ACTN2: variants seen among roughly 807,000 people sequenced by gnomAD.
ACTN2 encodes the protein actinin alpha 2, also known as alpha-actinin-2.
ACTN2 carries 39 observed loss-of-function variants against 113.8 expected under a neutral mutation model. The observed-to-expected ratio is 0.34, with a 90% CI of 0.27 to 0.45. The LOEUF (loss-of-function observed/expected upper bound fraction) is 0.45, where lower values mean the gene tolerates loss of function less well. ACTN2 is among the 20% of genes least tolerant of loss of function. ACTN2 has a pLI of 1.00. For synonymous variants in ACTN2, 429 were observed against 444.1 expected, an observed-to-expected ratio of 0.97 and a Z score of 0.43; for missense variants, 992 against 1,177.9, an observed-to-expected ratio of 0.84 and a Z score of 2.31.
chr1:236,759,736 C>T lies in ACTN2; in HGVS notation c.2314C>T (p.Leu772=), dbSNP rs1271493806. ...FNHFDRRKNG[L]MDHEDFRACL... is the part of the protein sequence containing the mutation. ...TTTTTGCCAACAGAGGAAGAATGGC[C>T]TGATGGATCATGAGGATTTCAGAGC... The change falls in exon 19 of 21, where the codon CTG becomes TTG. Residue 772 remains leucine, a synonymous_variant. Transcript: ENST00000366578. 2.5e-6 allele frequency: 4 copies of T among 1,613,882 alleles called. No homozygotes were observed. Among genetic ancestry groups the T allele is most frequent in the Admixed American group, 1.7e-5 (1 of 59,994 alleles).
At chr1:236,721,194 T>C (rs1444467205) in intron 4 of ACTN2, among the ~76,000 whole-genome samples, 1 of 151,290 alleles carries the variant, frequency 6.6e-6, no homozygotes, top group Non-Finnish European at 1.5e-5. Flanking sequence ...TGCTGGCTAA[T>C]TTTTCATATT....
At position 236,691,383 on chromosome 1, in the gene ACTN2, C is replaced by G. The variant is rs1390391453; in HGVS notation, c.126+4584C>G. ...GTTAGCCGGGTGCAGTGGCTCATGC[C>G]TGTAATCCCAGCACTTTGAGAGGCC... On this transcript the variant is annotated intron_variant, in intron 1 of 20. Transcript: ENST00000366578. 2.0e-5 allele frequency among the ~76,000 whole-genome samples: 3 copies of G among 152,018 alleles called. No homozygotes were observed. The East Asian group carries it at 5.8e-4, about 30-fold the overall frequency.
At chr1:236,749,673 C>T (rs1158014494) in intron 14 of ACTN2, among the ~76,000 whole-genome samples, 3 of 152,020 alleles carry the variant, frequency 2.0e-5, no homozygotes, top group African/African-American at 2.4e-5. Context: ...TGGTGGTGCA[C>T]GCCTGGAGTC....
chr1:236,724,838 CTTTTT>C (rs5781922), intron 4 of ACTN2, among the ~76,000 whole-genome samples: 1 of 81,664 alleles, frequency 1.2e-5, no homozygotes, highest in Non-Finnish European at 2.7e-5. Flanking sequence ...TGGGTTTTTC[CTTTTT>C]TTTTTTTTTT....
intron 1 of ACTN2, among the ~76,000 whole-genome samples, chr1:236,693,132 T>A (rs1426372485): frequency 6.6e-6 from 1 of 151,682 alleles, no homozygotes; most frequent in Non-Finnish European, 1.5e-5. Flanking sequence ...TTGGCCTTTC[T>A]GAAGAAGACT....
intron 1 of ACTN2, among the ~76,000 whole-genome samples, chr1:236,699,635 C>T (rs931514490): frequency 3.9e-5 from 6 of 152,102 alleles, no homozygotes; most frequent in Non-Finnish European, 2.9e-5. Flanking sequence ...CTACGGGTGC[C>T]GTGTCTTTAT....
chr1:236,689,858 A>G (rs529790349), intron 1 of ACTN2, among the ~76,000 whole-genome samples: 1 of 152,336 alleles, frequency 6.6e-6, no homozygotes, highest in African/African-American at 2.4e-5. Context: ...CCTCAACTGA[A>G]GCCTAATTGG....
intron 1 of ACTN2, among the ~76,000 whole-genome samples, chr1:236,697,990 T>C (rs1258669254): frequency 6.7e-6 from 1 of 149,642 alleles, no homozygotes; most frequent in Non-Finnish European, 1.5e-5. Context: ...ATCAGGCTGG[T>C]CTTGAGCTCC....
chr1:236,698,742 A>G (rs1657591722), intron 1 of ACTN2, among the ~76,000 whole-genome samples: 1 of 152,244 alleles, frequency 6.6e-6, no homozygotes. Flanking sequence ...CAGTGAATTG[A>G]AAAATGAGAG....
At position 236,737,201 on chromosome 1, in the gene ACTN2, G is replaced by A; in HGVS notation, c.863G>A (p.Arg288Lys). ...GAGAGGCTGATGGAAGAATATGAGAGGCTAGCGAGTGAGGTAAAGGAAACT... is the reference window on the plus strand; with the variant it reads ...GAGAGGCTGATGGAAGAATATGAGAAGCTAGCGAGTGAGGTAAAGGAAACT... ...ENERLMEEYE[R>K]LASELLEWIR... Residue 288 changes from arginine to lysine, a missense_variant, in exon 9 of 21, where the codon AGG becomes AAG. This residue lies in a region of ACTN2 where 736 missense variants were observed against 815.4 expected (regional missense o/e 0.90). Coordinates refer to ENST00000366578, the MANE Select transcript of ACTN2 (RefSeq NM_001103.4). 6.3e-7 allele frequency: 1 copy of A among 1,595,494 alleles called. No homozygotes were observed. Among genetic ancestry groups the A allele is most frequent in the African/African-American group, 1.3e-5 (1 of 74,394 alleles).
At chr1:236,708,645 A>G (rs764578832) in intron 1 of ACTN2, among the ~76,000 whole-genome samples, 17 of 152,154 alleles carry the variant, frequency 1.1e-4, no homozygotes, top group Non-Finnish European at 1.8e-4. Flanking sequence ...GGGGCAGCTC[A>G]TTGGTTGAGA....
At chr1:236,715,423 C>G (rs998085616) in intron 1 of ACTN2, among the ~76,000 whole-genome samples, 4 of 150,920 alleles carry the variant, frequency 2.7e-5, no homozygotes, top group African/African-American at 7.3e-5. Context: ...TTATCATAAT[C>G]TTACCTTCAA....
intron 14 of ACTN2, among the ~76,000 whole-genome samples, chr1:236,750,087 A>G (rs1163768784): frequency 6.6e-6 from 1 of 152,220 alleles, no homozygotes; most frequent in Non-Finnish European, 1.5e-5. Context: ...ACTATAAACA[A>G]AGCTTCTAAG....
chr1:236,753,495 T>C (rs531613793), intron 15 of ACTN2, among the ~76,000 whole-genome samples: 2 of 152,302 alleles, frequency 1.3e-5, no homozygotes, highest in East Asian at 1.9e-4. Context: ...GCAGATTTGC[T>C]GTCCACGTCA....
chr1:236,707,186 A>C (rs1657850055), intron 1 of ACTN2, among the ~76,000 whole-genome samples: 4 of 152,226 alleles, frequency 2.6e-5, no homozygotes, highest in Admixed American at 2.6e-4. Flanking sequence ...GATGTTCTGA[A>C]CACTTTCTAA....
intron 1 of ACTN2, among the ~76,000 whole-genome samples, chr1:236,707,669 CTTTTTTCTTTTCTTTCTTTTCT>C (rs1558226582): frequency 1.9e-5 from 1 of 53,738 alleles, no homozygotes; most frequent in Non-Finnish European, 6.4e-5. Context: ...CTTTTCTTTT[CTTTTTTCTTTTCTTTCTTTTCT>C]TTTCTTTTCT....
intron 1 of ACTN2, 133 bp downstream of exon 1, chr1:236,686,932 C>T (rs1211938402): frequency 4.7e-6 from 5 of 1,070,934 alleles, no homozygotes; most frequent in South Asian, 3.7e-5. Context: ...CCTGTGCCCT[C>T]GCAGCCCCGG....
chr1:236,749,281 T>G lies in ACTN2; in HGVS notation c.1656+17T>G. 1.2e-6 allele frequency: 2 copies of G among 1,614,072 alleles called. No homozygotes were observed. The highest frequency in any genetic ancestry group is 8.5e-7 in the Non-Finnish European group (1 of 1,179,976). ...GAGATCCAGGTAATGGAACCGCAAC[T>G]CTGTATGCCCTATGCATTAGAAGTG... On this transcript the variant is annotated intron_variant, in intron 14 of 20. Transcript: ENST00000366578.
rs560560877 is a variant in ACTN2 at position 236,735,389 on chromosome 1, G to C, written c.698-246G>C. ...CACCTTTAAAAGCCCATCAAGGGGTGGGGGAGAAAACAAGCCCTCAGTTTG... is the reference window on the plus strand; with the variant it reads ...CACCTTTAAAAGCCCATCAAGGGGTCGGGGAGAAAACAAGCCCTCAGTTTG... On this transcript the variant is annotated intron_variant, in intron 7 of 20. Coordinates refer to ENST00000366578, the MANE Select transcript of ACTN2 (RefSeq NM_001103.4). 1.3e-3 allele frequency among the ~76,000 whole-genome samples: 203 copies of C among 152,186 alleles called. 2 individuals carry two copies. The highest frequency in any genetic ancestry group is 4.7e-3 in the African/African-American group (196 of 41,524).
Sources: allele counts gnomAD v4.1 joint callset (sites outside exome capture counted in the v4.1 genomes callset), GRCh38; gene constraint gnomAD v4.1.1; regional missense constraint gnomAD v4.1.1; transcripts MANE v1.5; gene names NCBI Gene and HGNC (gene_info 2026-07-23, HGNC 2026-07-21).